DOCK3: variants seen among roughly 807,000 people sequenced by gnomAD.
The protein encoded by DOCK3 is dedicator of cytokinesis 3, also known as dedicator of cytokinesis protein 3.
A neutral mutation model predicts 265.6 loss-of-function variants in DOCK3; 60 were observed. That is an observed-to-expected ratio of 0.23 (90% CI 0.18 to 0.28). DOCK3 has a LOEUF of 0.28. Among genes scored for constraint, DOCK3 ranks in the 10% least tolerant of loss-of-function variants. DOCK3 has a pLI of 1.00. For synonymous variants in DOCK3, 881 were observed against 938.0 expected, an observed-to-expected ratio of 0.94 and a Z score of 1.11; for missense variants, 1,981 against 2,594.3, an observed-to-expected ratio of 0.76 and a Z score of 5.14.
intron 25 of DOCK3, among the ~76,000 whole-genome samples, chr3:51,275,876 A>G (rs2080791573): frequency 6.6e-6 from 1 of 152,080 alleles, no homozygotes; most frequent in Non-Finnish European, 1.5e-5. Context: ...GAGGGTAGGA[A>G]TTTATTTTAA....
At chr3:51,285,514 C>T (rs1045525817) in intron 27 of DOCK3, among the ~76,000 whole-genome samples, 46 of 151,402 alleles carry the variant, frequency 3.0e-4, no homozygotes, top group Middle Eastern at 6.8e-3. Flanking sequence ...GAAGAATACT[C>T]TAAACTGAAA....
intron 27 of DOCK3, among the ~76,000 whole-genome samples, chr3:51,300,070 G>T (rs2082293865): frequency 6.6e-6 from 1 of 152,106 alleles, no homozygotes; most frequent in Admixed American, 6.5e-5. Flanking sequence ...CCATTTGTTT[G>T]TGTCCTCTCT....
intron 9 of DOCK3, among the ~76,000 whole-genome samples, chr3:51,098,622 T>G (rs1049241242): frequency 6.6e-6 from 1 of 152,232 alleles, no homozygotes; most frequent in Non-Finnish European, 1.5e-5. Context: ...ATGTATGTAA[T>G]GCAGCTAGAG....
chr3:50,724,821 A>T (rs1313634135), intron 1 of DOCK3, among the ~76,000 whole-genome samples: 1 of 152,090 alleles, frequency 6.6e-6, no homozygotes, highest in Non-Finnish European at 1.5e-5. Context: ...TGTACCCCAG[A>T]CTTAAAGTAT....
intron 32 of DOCK3, among the ~76,000 whole-genome samples, chr3:51,323,528 A>G (rs1421436416): frequency 1.3e-5 from 2 of 152,160 alleles, no homozygotes; most frequent in Admixed American, 6.6e-5. Flanking sequence ...AGATTAAGAA[A>G]CTCACTCAAA....
chr3:50,978,045 C>G (rs1316221294), intron 5 of DOCK3, among the ~76,000 whole-genome samples: 1 of 152,052 alleles, frequency 6.6e-6, no homozygotes, highest in Non-Finnish European at 1.5e-5. Flanking sequence ...ATACCTTCTT[C>G]TAAATTTTTT....
intron 5 of DOCK3, among the ~76,000 whole-genome samples, chr3:50,959,149 A>C (rs2076813870): frequency 6.6e-6 from 1 of 152,154 alleles, no homozygotes; most frequent in Non-Finnish European, 1.5e-5. Flanking sequence ...AAATACAGTA[A>C]TATACTGTGC....
intron 4 of DOCK3, among the ~76,000 whole-genome samples, chr3:50,925,247 C>CA (rs1271388133): frequency 6.6e-6 from 1 of 152,066 alleles, no homozygotes; most frequent in Non-Finnish European, 1.5e-5. Flanking sequence ...GCATGAGCAT[C>CA]AAAAAAGTGA....
chr3:50,809,418 C>T (rs1219489525), intron 2 of DOCK3, among the ~76,000 whole-genome samples: 2 of 152,146 alleles, frequency 1.3e-5, no homozygotes, highest in African/African-American at 4.8e-5. Context: ...AACACGATAC[C>T]AAGTGCTAGT....
chr3:51,347,780 G>A (rs1168491066), intron 38 of DOCK3, among the ~76,000 whole-genome samples: 1 of 152,182 alleles, frequency 6.6e-6, no homozygotes, highest in African/African-American at 2.4e-5. Flanking sequence ...AGCATGGAAT[G>A]TTCTTCCATT....
At chr3:50,684,974 T>C (rs1257105760) in intron 1 of DOCK3, among the ~76,000 whole-genome samples, 1 of 152,104 alleles carries the variant, frequency 6.6e-6, no homozygotes, top group East Asian at 1.9e-4. Context: ...TGATGTCTTA[T>C]TTTCATTACC....
At chr3:50,792,787 C>T (rs946024814) in intron 2 of DOCK3, among the ~76,000 whole-genome samples, 1 of 152,146 alleles carries the variant, frequency 6.6e-6, no homozygotes. Flanking sequence ...ATAAATTGGT[C>T]ATAGTGGATA....
intron 5 of DOCK3, among the ~76,000 whole-genome samples, chr3:51,011,888 AC>A (rs939526101): frequency 2.0e-5 from 3 of 151,984 alleles, no homozygotes; most frequent in African/African-American, 7.3e-5. Context: ...CTGGAGGTCC[AC>A]TCCAGATCCT....
chr3:50,882,749 C>T (rs1364584441), intron 3 of DOCK3, among the ~76,000 whole-genome samples: 1 of 152,170 alleles, frequency 6.6e-6, no homozygotes, highest in African/African-American at 2.4e-5. Flanking sequence ...ACATTTGACC[C>T]AGCCATCCCA....
At chr3:51,307,879 G>GTT (rs1421611635) in intron 27 of DOCK3, among the ~76,000 whole-genome samples, 2 of 54,466 alleles carry the variant, frequency 3.7e-5, no homozygotes, top group African/African-American at 1.1e-4. Context: ...AATTATATGG[G>GTT]TTTTTTTTTT....
intron 2 of DOCK3, among the ~76,000 whole-genome samples, chr3:50,781,006 A>G (rs1381843371): frequency 6.6e-6 from 1 of 152,076 alleles, no homozygotes; most frequent in Non-Finnish European, 1.5e-5. Flanking sequence ...TTATGGCAGA[A>G]TAGTATTCCA....
intron 2 of DOCK3, among the ~76,000 whole-genome samples, chr3:50,785,337 A>G (rs1175168752): frequency 6.6e-6 from 1 of 152,144 alleles, no homozygotes; most frequent in Non-Finnish European, 1.5e-5. Flanking sequence ...TGCTGTGGCT[A>G]GGACTTCCAG....
At chr3:51,246,657 G>A (rs2078855725) in intron 21 of DOCK3, 69 bp from the exon 22 acceptor site, 2 of 1,412,372 alleles carry the variant, frequency 1.4e-6, no homozygotes, top group African/African-American at 2.8e-5. Flanking sequence ...CTAATTCAGG[G>A]CTACAGATGT....
intron 2 of DOCK3, among the ~76,000 whole-genome samples, chr3:50,834,633 A>G (rs918267625): frequency 3.3e-5 from 5 of 152,202 alleles, no homozygotes; most frequent in Admixed American, 2.6e-4. Flanking sequence ...GTCATACTTT[A>G]TAATTTGATT....
Sources: allele counts gnomAD v4.1 joint callset (sites outside exome capture counted in the v4.1 genomes callset), GRCh38; gene constraint gnomAD v4.1.1; transcripts MANE v1.5; gene names NCBI Gene and HGNC (gene_info 2026-07-23, HGNC 2026-07-21).